PDLIM2: variants seen among roughly 807,000 people sequenced by gnomAD.
PDLIM2 encodes PDZ and LIM domain 2.
In PDLIM2, 51 loss-of-function variants were observed where a neutral mutation model predicts 54.1. That is an observed-to-expected ratio of 0.94 (90% CI 0.75 to 1.19). PDLIM2 has a LOEUF of 1.19. Ranked by LOEUF, PDLIM2 falls within the 50% of genes most tolerant of loss-of-function variation. The probability of loss-of-function intolerance (pLI) is 0.00; values close to 1 mark genes in which losing one functional copy is unlikely to be tolerated. For synonymous variants in PDLIM2, 398 were observed against 385.6 expected (o/e 1.03, Z -0.38); for missense variants, 912 against 874.0 (o/e 1.04, Z -0.55).
At chr8:22,579,560 C>A in intron 1 of PDLIM2, 2 of 1,438,136 alleles carry the variant, frequency 1.4e-6, no homozygotes, top group Non-Finnish European at 1.8e-6. Flanking sequence ...GCGAGCCGGC[C>A]TCGGGGACTG....
intron 1 of PDLIM2, 121 bp from the exon 1 acceptor site, chr8:22,580,354 A>T: frequency 1.1e-6 from 1 of 869,904 alleles, no homozygotes; most frequent in Non-Finnish European, 1.6e-6. Flanking sequence ...CCCTCCTGGG[A>T]GTCGCTCCCT....
In PDLIM2 at chr8:22,585,091, G is replaced by GAGGGC; in HGVS notation, c.1141_1145dup (p.Ser384ProfsTer134). 6.2e-7 allele frequency: 1 copy of GAGGGC among 1,613,950 alleles called. No individual in the cohort carries two copies. The highest frequency in any genetic ancestry group is 8.5e-7 in the Non-Finnish European group (1 of 1,180,008). Reference sequence around the variant, plus strand: ...ACTCCAGCCCAACCTCCCTCAGCCCGAGGGCCGGCAGCCCCTTCTCACCAC... The same window carrying GAGGGC: ...ACTCCAGCCCAACCTCCCTCAGCCCGAGGGCAGGGCCGGCAGCCCCTTCTCACCAC... On this transcript the variant is annotated frameshift_variant, in exon 5 of 10. Coordinates refer to ENST00000308354, the Ensembl canonical transcript of PDLIM2. LOFTEE classifies it high-confidence loss of function.
chr8:22,583,879 AAAAAAGGG>A (rs1800287550), intron 3 of PDLIM2, among the ~76,000 whole-genome samples: 1 of 145,418 alleles, frequency 6.9e-6, no homozygotes, highest in Non-Finnish European at 1.5e-5. Flanking sequence ...AAAAAAAAAA[AAAAAAGGG>A]CAGGATAATG....
chr8:22,593,498 AC>A, intron 9 of PDLIM2: 3 of 504,854 alleles, frequency 5.9e-6, no homozygotes. Context: ...TATCGCTTGA[AC>A]CCGGAAGGTA....
chr8:22,597,288 G>GT (rs1369820087), downstream of PDLIM2: 1 of 152,312 alleles, frequency 6.6e-6, no homozygotes, highest in Non-Finnish European at 1.5e-5. Context: ...CACTCAGAGA[G>GT]CCCTGGCCTG....
chr8:22,584,902 C>G lies in PDLIM2; in HGVS notation c.1065+12C>G. 6.2e-7 allele frequency: 1 copy of G among 1,614,062 alleles called. No homozygotes were observed. Among genetic ancestry groups the G allele is most frequent in the Non-Finnish European group, 8.5e-7 (1 of 1,179,968 alleles). ...CGACTCGCTTCCAGGTAAGCTGGTG[C>G]CCTCCCCTGACAGCCTCAGCACCCT... On this transcript the variant is annotated intron_variant, in intron 4 of 9. Transcript: ENST00000308354.
rs3064 is a variant in PDLIM2 at position 22,594,175 on chromosome 8, G to C, written c.*265G>C. On this transcript the variant is annotated 3_prime_UTR_variant, in exon 10 of 10. Coordinates refer to ENST00000308354, the Ensembl canonical transcript of PDLIM2. ...CTGCCTTTGATCAACCTTTGTGTGC[G>C]AGGGTCTAAGTAGGGTCGAACACAG... 474,499 of 1,406,932 alleles carry C rather than the reference G, an allele frequency of 0.34. 80,579 individuals are homozygous for C. Among genetic ancestry groups the C allele is most frequent in the South Asian group, 0.37 (23,306 of 63,048 alleles). 87.2% of individuals were successfully genotyped at this position (1,406,932 alleles called of 1,614,324 possible). A position where few individuals can be genotyped will look rare whatever the true frequency, so the allele number is the denominator to read the frequency against.
chr8:22,582,813 C>T (rs1800246391), intron 3 of PDLIM2, among the ~76,000 whole-genome samples: 2 of 151,878 alleles, frequency 1.3e-5, no homozygotes, highest in Non-Finnish European at 2.9e-5. Context: ...ATCTCCTGAC[C>T]TCGTGATCCA....
At chr8:22,592,268 G>T (rs1205161158) in intron 9 of PDLIM2, 3 of 151,862 alleles carry the variant, frequency 2.0e-5, no homozygotes, top group African/African-American at 7.3e-5. Context: ...TTTTAGTAGA[G>T]ACGCGTTTTC....
At chr8:22,592,383 G>A (rs1800577901) in intron 9 of PDLIM2, 1 of 151,744 alleles carries the variant, frequency 6.6e-6, no homozygotes, top group South Asian at 2.1e-4. Context: ...GCCCAGCCGA[G>A]GTGGGCTCAT....
rs766093234 is a variant in PDLIM2, at chr8:22,584,839, A to G, written c.1014A>G (p.Pro338=). 7 of 1,613,988 alleles carry G rather than the reference A, an allele frequency of 4.3e-6. No homozygotes were observed. The South Asian group carries it at 5.5e-5, about 13-fold the overall frequency. The change falls in exon 4 of 10, where the codon CCA becomes CCG. Residue 338 remains proline (P), a synonymous_variant. Transcript: ENST00000308354. ...TTCTCAGGTCTCAGGCTACGTCTCC[A>G]GGGCAGACCAATGGGGACAGCTCCT...
chr8:22,594,629 C>A, downstream of PDLIM2: 1 of 1,613,508 alleles, frequency 6.2e-7, no homozygotes, highest in Non-Finnish European at 8.5e-7. Flanking sequence ...GACCAGGAGA[C>A]CCATCCAGCC....
chr8:22,589,020 C>G, intron 6 of PDLIM2: 1 of 561,746 alleles, frequency 1.8e-6, no homozygotes, highest in African/African-American at 2.0e-5. Flanking sequence ...TGCCTTCCTG[C>G]TGCCCGGTCC....
chr8:22,578,859 G>A, exon 1 of PDLIM2: 1 of 1,234,718 alleles, frequency 8.1e-7, no homozygotes, highest in East Asian at 3.2e-5. Flanking sequence ...TGGGGCGCGG[G>A]GCAGTCCCTG....
At chr8:22,596,724 G>A (rs2117377868), downstream of PDLIM2, 1 of 152,358 alleles carries the variant, frequency 6.6e-6, no homozygotes, top group Non-Finnish European at 1.5e-5. Context: ...CTTTTCCAAA[G>A]CTGCACAGCT....
rs1408099783 is a variant in PDLIM2, at chr8:22,578,874, G to T, written c.95G>T (p.Arg32Leu). ...TGGGGCGCGGGGCAGTCCCTGGACC[G>T]GCTCTGCTGTGCTCCGGGCAGTCGG... The change falls in exon 1 of 10, where the codon CGG becomes CTG. Residue 32 changes from arginine to leucine, a missense_variant. Coordinates refer to ENST00000308354, the Ensembl canonical transcript of PDLIM2. The T allele has an allele frequency of 1.2e-5, 15 of 1,235,314 alleles. No homozygotes were observed. The highest frequency in any genetic ancestry group is 1.5e-5 in the Non-Finnish European group (15 of 989,284). 76.5% of individuals were successfully genotyped at this position (1,235,314 alleles called of 1,614,324 possible).
At chr8:22,585,904 C>T (rs1800367943) in intron 6 of PDLIM2, among the ~76,000 whole-genome samples, 1 of 151,232 alleles carries the variant, frequency 6.6e-6, no homozygotes, top group Non-Finnish European at 1.5e-5. Flanking sequence ...CTTATTCTGT[C>T]TCCTCCTCCC....
chr8:22,588,839 A>C, intron 6 of PDLIM2: 2 of 190,048 alleles, frequency 1.1e-5, no homozygotes, highest in Non-Finnish European at 1.1e-5. Flanking sequence ...CTCCCAGGGG[A>C]CTTCGACCCC....
chr8:22,591,297 T>G, intron 8 of PDLIM2: 2 of 557,992 alleles, frequency 3.6e-6, no homozygotes, highest in East Asian at 3.1e-5. Flanking sequence ...CTGCTTCACC[T>G]GACACTGAGC....
Sources: allele counts gnomAD v4.1 joint callset (sites outside exome capture counted in the v4.1 genomes callset), GRCh38; gene constraint gnomAD v4.1.1; transcripts MANE v1.5; gene names NCBI Gene and HGNC (gene_info 2026-07-23, HGNC 2026-07-21).